Variants in GMDS observed in about 807,000 individuals in gnomAD.
GMDS encodes GDP-mannose 4,6 dehydratase.
A neutral mutation model predicts 49.9 loss-of-function variants in GMDS; 20 were observed. The observed-to-expected ratio is 0.40, with a 90% confidence interval of 0.28 to 0.58. The LOEUF (loss-of-function observed/expected upper bound fraction) is 0.58. Among genes scored for constraint, GMDS ranks in the 20% least tolerant of loss-of-function variants. The pLI, the probability that GMDS is intolerant of heterozygous loss-of-function variation, is 0.42. For synonymous variants in GMDS, 177 were observed against 178.6 expected, an observed-to-expected ratio of 0.99 and a Z score of 0.07; for missense variants, 362 against 481.4, an observed-to-expected ratio of 0.75 and a Z score of 2.32.
At chr6:1,831,467 A>C (rs919228295) in intron 7 of GMDS, among the ~76,000 whole-genome samples, 5 of 152,206 alleles carry the variant, frequency 3.3e-5, no homozygotes, top group Non-Finnish European at 7.3e-5. Flanking sequence ...TAAGGTTATA[A>C]AGTTTTTAGC....
At position 1,827,377 on chromosome 6, in the gene GMDS, T is replaced by G. The variant is rs868453612; in HGVS notation, c.772-84791A>C. ...TTGGAAAACCTGTATATACACACGT[T>G]TTGGAAAACCTGTATATACACACGT... On this transcript the variant is annotated intron_variant, in intron 7 of 10. Transcript: ENST00000380815. 2.0e-4 allele frequency among the ~76,000 whole-genome samples: 8 copies of G among 39,492 alleles called. 1 individual carries two copies. The highest frequency in any genetic ancestry group is 6.1e-4 in the Admixed American group (2 of 3,260). 25.9% of individuals were successfully genotyped at this position (39,492 alleles called of 152,430 possible). A position where few individuals can be genotyped will look rare whatever the true frequency, so the allele number is the denominator to read the frequency against.
At chr6:1,696,846 G>T (rs554275516) in intron 9 of GMDS, among the ~76,000 whole-genome samples, 1 of 152,378 alleles carries the variant, frequency 6.6e-6, no homozygotes, top group South Asian at 2.1e-4. Context: ...AAGAGCCTCA[G>T]ATTTCATGCT....
chr6:1,682,351 C>T (rs985334125), intron 9 of GMDS, among the ~76,000 whole-genome samples: 2 of 152,212 alleles, frequency 1.3e-5, no homozygotes, highest in East Asian at 3.8e-4. Flanking sequence ...CCTCTGCCAA[C>T]CCCCGCCTCC....
chr6:1,629,266 G>A (rs1762928393), intron 9 of GMDS, among the ~76,000 whole-genome samples: 1 of 152,216 alleles, frequency 6.6e-6, no homozygotes, highest in South Asian at 2.1e-4. Context: ...CGAGCAGTAA[G>A]AAATGCTGTG....
At chr6:1,729,191 T>G (rs1444528061) in intron 8 of GMDS, among the ~76,000 whole-genome samples, 2 of 152,192 alleles carry the variant, frequency 1.3e-5, no homozygotes, top group Non-Finnish European at 2.9e-5. Context: ...AGACTCACAT[T>G]TGGGATTTGT....
intron 7 of GMDS, among the ~76,000 whole-genome samples, chr6:1,784,148 T>C (rs1769219125): frequency 6.6e-6 from 1 of 152,126 alleles, no homozygotes; most frequent in African/African-American, 2.4e-5. Context: ...TTTCTGAGTA[T>C]AATAATATGG....
chr6:1,989,422 G>A (rs898960492), intron 4 of GMDS, among the ~76,000 whole-genome samples: 2 of 152,168 alleles, frequency 1.3e-5, no homozygotes, highest in Non-Finnish European at 2.9e-5. Flanking sequence ...GCTCTGAGGG[G>A]AGAGGGTAAC....
intron 4 of GMDS, among the ~76,000 whole-genome samples, chr6:2,107,742 T>C (rs928992426): frequency 2.6e-5 from 4 of 152,220 alleles, no homozygotes; most frequent in African/African-American, 9.6e-5. Context: ...AAGTATCCAG[T>C]CTTTGCTCCA....
At chr6:1,657,984 G>A (rs9502993) in intron 9 of GMDS, among the ~76,000 whole-genome samples, 4,173 of 152,240 alleles carry the variant, frequency 0.027, 181 homozygotes, top group African/African-American at 0.095. Context: ...CCTGCCTTGC[G>A]TAGCGCCGGG....
intron 7 of GMDS, among the ~76,000 whole-genome samples, chr6:1,873,790 C>G (rs1431954999): frequency 6.6e-6 from 1 of 152,148 alleles, no homozygotes; most frequent in Non-Finnish European, 1.5e-5. Flanking sequence ...CTGGTGACAG[C>G]AGGAAAACAC....
At chr6:1,756,882 C>G (rs1009407368) in intron 7 of GMDS, among the ~76,000 whole-genome samples, 2 of 152,212 alleles carry the variant, frequency 1.3e-5, no homozygotes, top group Non-Finnish European at 2.9e-5. Context: ...GGAAGCTGTC[C>G]AGTTCACTTC....
chr6:2,174,839 C>T (rs568718228), intron 1 of GMDS, among the ~76,000 whole-genome samples: 1 of 152,104 alleles, frequency 6.6e-6, no homozygotes, highest in African/African-American at 2.4e-5. Context: ...AAAGTGCTAG[C>T]ATTATAGGCA....
At chr6:1,627,351 G>A (rs1762875649) in intron 9 of GMDS, among the ~76,000 whole-genome samples, 1 of 152,184 alleles carries the variant, frequency 6.6e-6, no homozygotes, top group African/African-American at 2.4e-5. Context: ...CACAGCTCTA[G>A]AAGGAGAGCA....
At chr6:2,018,434 T>C (rs1238833020) in intron 4 of GMDS, among the ~76,000 whole-genome samples, 1 of 152,138 alleles carries the variant, frequency 6.6e-6, no homozygotes, top group East Asian at 1.9e-4. Flanking sequence ...CATAGTCAAC[T>C]TCAGAACATT....
At chr6:1,671,798 G>T (rs1187623321) in intron 9 of GMDS, among the ~76,000 whole-genome samples, 1 of 151,244 alleles carries the variant, frequency 6.6e-6, no homozygotes, top group Non-Finnish European at 1.5e-5. Flanking sequence ...CCGAATAGCT[G>T]GGATTACAGG....
At chr6:1,645,143 T>C (rs1275506889) in intron 9 of GMDS, among the ~76,000 whole-genome samples, 1 of 151,870 alleles carries the variant, frequency 6.6e-6, no homozygotes, top group Non-Finnish European at 1.5e-5. Flanking sequence ...ACCATGCTGG[T>C]CAGGCTGGTC....
intron 7 of GMDS, among the ~76,000 whole-genome samples, chr6:1,784,220 C>T (rs1769221996): frequency 6.6e-6 from 1 of 151,556 alleles, no homozygotes; most frequent in South Asian, 2.1e-4. Context: ...GGTGAAACCC[C>T]GTCTCTACTG....
intron 9 of GMDS, among the ~76,000 whole-genome samples, chr6:1,693,962 C>A (rs890517158): frequency 6.6e-6 from 1 of 152,070 alleles, no homozygotes; most frequent in Non-Finnish European, 1.5e-5. Flanking sequence ...AAATAACTTG[C>A]CCAAGGTTAT....
At chr6:1,741,812 A>C (rs553955604) in intron 8 of GMDS, among the ~76,000 whole-genome samples, 334 of 94,722 alleles carry the variant, frequency 3.5e-3, no homozygotes, top group African/African-American at 0.018. Flanking sequence ...ACTCTGTCTC[A>C]AAAAAAAAAA....
Sources: allele counts gnomAD v4.1 joint callset (sites outside exome capture counted in the v4.1 genomes callset), GRCh38; gene constraint gnomAD v4.1.1; transcripts MANE v1.5; gene names NCBI Gene and HGNC (gene_info 2026-07-23, HGNC 2026-07-21).